SULT2A1: variants seen among roughly 807,000 people sequenced by gnomAD.
SULT2A1 encodes the protein sulfotransferase 2A1.
In SULT2A1, 43 loss-of-function variants were observed where a neutral mutation model predicts 33.9. The observed-to-expected ratio is 1.27, with a 90% CI of 1.00 to 1.64. The LOEUF is 1.64. Ranked by LOEUF, SULT2A1 falls within the 40% of genes most tolerant of loss-of-function variation. The probability of loss-of-function intolerance (pLI) is 0.00; values close to 1 mark genes in which losing one functional copy is unlikely to be tolerated. For missense variants in SULT2A1, 300 were observed against 335.1 expected, an observed-to-expected ratio of 0.90 and a Z score of 0.82; for synonymous variants, 125 against 113.6, an observed-to-expected ratio of 1.10 and a Z score of -0.64.
intron 5 of SULT2A1, 129 bp from the exon 6 acceptor site, chr19:47,871,696 G>A (rs751842572): frequency 2.0e-5 from 13 of 650,508 alleles, no homozygotes; most frequent in Non-Finnish European, 3.6e-5. Flanking sequence ...CCTTTATCCT[G>A]CCTGGTCACA....
Position 47,873,064 on chromosome 19 carries a change from C to T in SULT2A1, c.746-1497G>A, listed in dbSNP as rs879489701. 8.2e-4 allele frequency among the ~76,000 whole-genome samples: 124 copies of T among 151,294 alleles called. 1 individual carries two copies. The highest frequency in any genetic ancestry group is 9.9e-4 in the Admixed American group (15 of 15,158). The stretch of plus-strand genomic sequence containing the variant: ...GGCGTGAGCCACCGTACCCGGCCAA[C>T]GTTTACTTTTACGATTGCCCAAGAC... On this transcript the variant is annotated intron_variant, in intron 5 of 5. Coordinates refer to ENST00000222002, the MANE Select transcript of SULT2A1 (RefSeq NM_003167.4).
intron 1 of SULT2A1, among the ~76,000 whole-genome samples, chr19:47,884,382 G>A (rs1189626415): frequency 1.3e-5 from 2 of 150,724 alleles, no homozygotes; most frequent in Admixed American, 6.6e-5. Context: ...GTTTCACCAT[G>A]TTAGCCAGGA....
rs907466426 is a variant in SULT2A1, at chr19:47,878,284, C to G, written c.567+752G>C. On this transcript the variant is annotated intron_variant, in intron 4 of 5. Coordinates refer to ENST00000222002, the MANE Select transcript of SULT2A1 (RefSeq NM_003167.4). ...CTTGAATTCATGGGCTCAAGTAATTCCCCTGGCCTCGGCTTCCCGAGTAGC... is the reference window on the plus strand; with the variant it reads ...CTTGAATTCATGGGCTCAAGTAATTGCCCTGGCCTCGGCTTCCCGAGTAGC... 1.3e-4 allele frequency among the ~76,000 whole-genome samples: 19 copies of G among 151,810 alleles called. No homozygotes were observed. In the Middle Eastern group the frequency reaches 0.011, roughly 84 times the overall value.
chr19:47,873,211 C>T (rs1968509256), intron 5 of SULT2A1, among the ~76,000 whole-genome samples: 1 of 152,144 alleles, frequency 6.6e-6, no homozygotes, highest in African/African-American at 2.4e-5. Flanking sequence ...TCTTGTTGCC[C>T]AGGCTGGAGT....
intron 5 of SULT2A1, among the ~76,000 whole-genome samples, chr19:47,874,022 T>C (rs1968518418): frequency 6.6e-6 from 1 of 152,126 alleles, no homozygotes; most frequent in Non-Finnish European, 1.5e-5. Context: ...GAATCACAGC[T>C]TGTAGGTCTA....
In SULT2A1 at chr19:47,884,323, C is replaced by A. The variant is rs578232891; in HGVS notation, c.137-538G>T. Among the ~76,000 whole-genome samples the A allele has an allele frequency of 3.3e-5, 5 of 151,316 alleles. No homozygotes were observed. The South Asian group carries it at 1.1e-3, about 32-fold the overall frequency. ...AGTAGCTGGGACTACAGGCGCCCAC[C>A]ACCACGTCTGGCTAATTTTTTTTTT... On this transcript the variant is annotated intron_variant, in intron 1 of 5. Transcript: ENST00000222002.
At position 47,883,799 on chromosome 19, in the gene SULT2A1, GA is replaced by G. The variant is rs756988273; in HGVS notation, c.137-15del. On this transcript the variant is annotated splice_polypyrimidine_tract_variant and intron_variant, in intron 1 of 5. Coordinates refer to ENST00000222002, the MANE Select transcript of SULT2A1 (RefSeq NM_003167.4). ...ACCAGTTTGTTCCTGGAAAAAGAAG[GA>G]AAAAAATATATAAAATGTACCATCT... 11 of 1,611,792 alleles carry G rather than the reference GA, an allele frequency of 6.8e-6. No homozygotes were observed. Among genetic ancestry groups the G allele is most frequent in the African/African-American group, 6.7e-5 (5 of 74,742 alleles).
intron 1 of SULT2A1, among the ~76,000 whole-genome samples, chr19:47,884,228 A>G (rs1309332904): frequency 2.0e-5 from 3 of 149,834 alleles, no homozygotes; most frequent in East Asian, 2.0e-4. Flanking sequence ...CTGGAGTGCA[A>G]TGGCACGATC....
chr19:47,875,118 C>T (rs1453459165), intron 4 of SULT2A1, among the ~76,000 whole-genome samples: 13 of 121,040 alleles, frequency 1.1e-4, no homozygotes, highest in Non-Finnish European at 3.2e-5. Context: ...GCTGAGATCA[C>T]GCCACTGCAC....
chr19:47,881,613 T>C (rs933830466), intron 3 of SULT2A1, among the ~76,000 whole-genome samples: 4 of 151,606 alleles, frequency 2.6e-5, no homozygotes, highest in Admixed American at 6.6e-5. Flanking sequence ...AATTGCAAAA[T>C]GGAAAGTACT....
intron 5 of SULT2A1, 97 bp downstream of exon 5, chr19:47,874,560 A>AAT: frequency 3.4e-6 from 3 of 882,278 alleles, no homozygotes; most frequent in Non-Finnish European, 5.0e-6. Context: ...AAAAAAAAAA[A>AAT]GCACTCTTTC....
intron 2 of SULT2A1, among the ~76,000 whole-genome samples, chr19:47,882,513 A>G (rs978713359): frequency 3.3e-5 from 5 of 152,188 alleles, no homozygotes; most frequent in Admixed American, 6.5e-5. Flanking sequence ...TTTGTGTACT[A>G]TGGTTTAAAG....
rs577004509 is a variant in SULT2A1, at chr19:47,880,653, C to A, written c.472+1431G>T. Among the ~76,000 whole-genome samples, 11 of 151,996 alleles carry A rather than the reference C, an allele frequency of 7.2e-5. No individual in the cohort carries two copies. The South Asian group carries it at 2.3e-3, about 32-fold the overall frequency. On this transcript the variant is annotated intron_variant, in intron 3 of 5. Coordinates refer to ENST00000222002, the MANE Select transcript of SULT2A1 (RefSeq NM_003167.4). ...CCAGGCTGTAGTGCCATGGAGTGAT[C>A]TCGGCTCGCTGCAACCTCTGCCTCC... is the stretch of plus-strand genomic sequence containing the variant.
intron 5 of SULT2A1, among the ~76,000 whole-genome samples, chr19:47,872,075 G>C (rs773171481): frequency 6.6e-6 from 1 of 151,962 alleles, no homozygotes; most frequent in Non-Finnish European, 1.5e-5. Context: ...CTACCACCAC[G>C]CCTGGCTAAT....
chr19:47,873,811 G>A (rs1199590947), intron 5 of SULT2A1, among the ~76,000 whole-genome samples: 1 of 151,496 alleles, frequency 6.6e-6, no homozygotes. Flanking sequence ...TTTTAGTGGA[G>A]ATGGGGTTTC....
chr19:47,875,809 G>A (rs1372671367), intron 4 of SULT2A1, among the ~76,000 whole-genome samples: 1 of 152,074 alleles, frequency 6.6e-6, no homozygotes, highest in Non-Finnish European at 1.5e-5. Flanking sequence ...ACAGTAATTA[G>A]GGTTAGCAAG....
chr19:47,876,101 C>T (rs995592854), intron 4 of SULT2A1, among the ~76,000 whole-genome samples: 8 of 152,154 alleles, frequency 5.3e-5, no homozygotes, highest in Non-Finnish European at 7.3e-5. Context: ...CTGCAACCTC[C>T]GCCTCCCAGG....
intron 4 of SULT2A1, among the ~76,000 whole-genome samples, chr19:47,875,657 A>G (rs963861949): frequency 3.3e-5 from 5 of 152,096 alleles, no homozygotes; most frequent in African/African-American, 1.2e-4. Context: ...ACAAAGCAAA[A>G]CAAAACAAAA....
In SULT2A1 at chr19:47,877,031, C is replaced by T. The variant is rs573156048; in HGVS notation, c.567+2005G>A. Among the ~76,000 whole-genome samples the T allele has an allele frequency of 6.1e-5, 8 of 130,242 alleles. No homozygotes were observed. The South Asian group carries it at 1.1e-3, about 18-fold the overall frequency. 85.4% of individuals were successfully genotyped at this position (130,242 alleles called of 152,430 possible). A position where few individuals can be genotyped will look rare whatever the true frequency, so the allele number is the denominator to read the frequency against. On this transcript the variant is annotated intron_variant, in intron 4 of 5. Transcript: ENST00000222002. ...GGCGGAGGTTGCAGTGAGCCGAGAT[C>T]GTGCCACTGCACTCCAGCCTGGGCG...
Sources: gnomAD v4.1 joint callset for allele counts (sites outside exome capture counted in the v4.1 genomes callset) on GRCh38, gnomAD v4.1.1 for gene constraint, MANE v1.5 for transcripts, NCBI Gene and HGNC (gene_info 2026-07-23, HGNC 2026-07-21) for gene names.